TIMM23: variants seen among roughly 807,000 people sequenced by gnomAD.
The protein encoded by TIMM23 is mitochondrial import inner membrane translocase subunit Tim23.
Under a neutral mutation model 30.7 loss-of-function variants are expected in TIMM23, and 19 were observed. The ratio of observed to expected loss-of-function variants is 0.62; its 90% CI spans 0.43 to 0.91. TIMM23 has a LOEUF of 0.91. Ranked by LOEUF, TIMM23 falls within the 40% of genes least tolerant of loss-of-function variation. The pLI is 0.00. For missense variants in TIMM23, 202 were observed against 269.2 expected, an observed-to-expected ratio of 0.75 and a Z score of 1.75; for synonymous variants, 78 against 98.5, an observed-to-expected ratio of 0.79 and a Z score of 1.23.
At chr10:45,999,747 T>A (rs1268209543) in intron 6 of TIMM23, among the ~76,000 whole-genome samples, 1 of 152,100 alleles carries the variant, frequency 6.6e-6, no homozygotes, top group African/African-American at 2.4e-5. Flanking sequence ...GACCAAAATT[T>A]ATTAGGCAGG....
At chr10:45,994,924 A>G (rs1171988394) in intron 6 of TIMM23, among the ~76,000 whole-genome samples, 2 of 152,062 alleles carry the variant, frequency 1.3e-5, no homozygotes, top group African/African-American at 4.8e-5. Context: ...CCCACCACAC[A>G]AAATTTATGT....
chr10:45,989,982 T>G (rs1207755964), intron 6 of TIMM23, among the ~76,000 whole-genome samples: 2 of 152,230 alleles, frequency 1.3e-5, no homozygotes, highest in African/African-American at 4.8e-5. Context: ...TAAAAGATTT[T>G]AATGATGTTT....
At chr10:45,988,072 G>T (rs1554915063) in intron 5 of TIMM23, among the ~76,000 whole-genome samples, 1 of 152,152 alleles carries the variant, frequency 6.6e-6, no homozygotes, top group African/African-American at 2.4e-5. Flanking sequence ...TCACTTTCCT[G>T]CAAGTCCCAT....
intron 6 of TIMM23, among the ~76,000 whole-genome samples, chr10:45,990,115 A>T (rs1456963455): frequency 6.7e-4 from 92 of 138,044 alleles, no homozygotes; most frequent in African/African-American, 2.0e-3. Context: ...GGCAACTTTT[A>T]ATTTTTTTTT....
chr10:45,984,229 C>G lies in TIMM23; in HGVS notation c.345-1154C>G, dbSNP rs1369122939. Among the ~76,000 whole-genome samples the G allele has an allele frequency of 4.6e-5, 7 of 152,102 alleles. No individual in the cohort carries two copies. The South Asian group carries it at 6.2e-4, about 14-fold the overall frequency. On this transcript the variant is annotated intron_variant, in intron 4 of 6. Coordinates refer to ENST00000580018, the MANE Select transcript of TIMM23 (RefSeq NM_006327.4). ...AGCATAGTGAACACATGAACCATAA[C>G]GCATCCTCAACAACCATCAACCATG... is the stretch of plus-strand genomic sequence containing the variant.
intron 6 of TIMM23, among the ~76,000 whole-genome samples, chr10:45,996,950 G>C (rs1160078555): frequency 1.4e-5 from 2 of 142,080 alleles, no homozygotes; most frequent in Admixed American, 7.4e-5. Context: ...GGACGACAGA[G>C]TGAGACCCTG....
chr10:45,988,530 A>G (rs1165883048), intron 5 of TIMM23, among the ~76,000 whole-genome samples: 1 of 152,094 alleles, frequency 6.6e-6, no homozygotes, highest in African/African-American at 2.4e-5. Context: ...TAATACAACA[A>G]AAGACCTTCA....
chr10:45,978,274 G>C (rs1837738063), intron 2 of TIMM23, among the ~76,000 whole-genome samples: 1 of 152,116 alleles, frequency 6.6e-6, no homozygotes, highest in African/African-American at 2.4e-5. Context: ...GATCACTTGA[G>C]TCCAGCAGGT....
chr10:45,994,172 TCTA>T (rs1228185641), intron 6 of TIMM23, among the ~76,000 whole-genome samples: 8 of 151,460 alleles, frequency 5.3e-5, no homozygotes, highest in African/African-American at 1.9e-4. Context: ...AAACCCCATC[TCTA>T]CTAAAATACA....
intron 6 of TIMM23, among the ~76,000 whole-genome samples, chr10:45,993,266 A>T (rs1554916151): frequency 2.4e-5 from 1 of 41,564 alleles, no homozygotes; most frequent in Non-Finnish European, 4.6e-5. Context: ...TTTTTTGGAG[A>T]CTGAGTTTCA....
rs1837964831 is a variant in TIMM23 at position 45,985,451 on chromosome 10, G to A, written c.403+10G>A. ...ACTCTAGGTTCTCTGGGTAAGTAGA[G>A]ATCTCATTTGATAATAAATTGTTAA... On this transcript the variant is annotated intron_variant, in intron 5 of 6. Coordinates refer to ENST00000580018, the MANE Select transcript of TIMM23 (RefSeq NM_006327.4). 2.5e-6 allele frequency: 4 copies of A among 1,613,356 alleles called. No homozygotes were observed. The highest frequency in any genetic ancestry group is 1.1e-5 in the South Asian group (1 of 91,072).
In TIMM23 at chr10:46,002,584, G is replaced by T. The variant is rs897119316; in HGVS notation, c.515-619G>T. On this transcript the variant is annotated intron_variant, in intron 6 of 6. Transcript: ENST00000580018. ...CATTACAGACTTAAATCCATTGACA[G>T]TGCTAGTGGAGTTCTAAATCATATT... 4.9e-5 allele frequency: 36 copies of T among 741,848 alleles called. No homozygotes were observed. In the Admixed American group the frequency reaches 6.3e-4, roughly 13 times the overall value. The allele number at this position is 741,848 out of a possible 1,614,324, so 46.0% of individuals were successfully genotyped here. A position where few individuals can be genotyped will look rare whatever the true frequency, so the allele number is the denominator to read the frequency against.
rs1590129636 is a variant in TIMM23 at position 45,996,466 on chromosome 10, GATGATTATCAATTT to G, written c.515-6735_515-6722del. 1.0e-4 allele frequency among the ~76,000 whole-genome samples: 15 copies of G among 148,410 alleles called. No homozygotes were observed. The South Asian group carries it at 3.2e-3, about 31-fold the overall frequency. On this transcript the variant is annotated intron_variant, in intron 6 of 6. Coordinates refer to ENST00000580018, the MANE Select transcript of TIMM23 (RefSeq NM_006327.4). ...ATGCTCATCTATAAAATTGGGGTATGATGATTATCAATTTACAGGATTGTGGTGCATTTTAAATG... is the reference window on the plus strand; with the variant it reads ...ATGCTCATCTATAAAATTGGGGTATGACAGGATTGTGGTGCATTTTAAATG...
intron 1 of TIMM23, among the ~76,000 whole-genome samples, chr10:45,973,122 C>G (rs1837547572): frequency 6.6e-6 from 1 of 152,146 alleles, no homozygotes; most frequent in Admixed American, 6.5e-5. Flanking sequence ...GCGACATATT[C>G]TGAGCCTCCA....
At chr10:45,989,277 G>T (rs1388511526) in intron 6 of TIMM23, among the ~76,000 whole-genome samples, 1 of 152,076 alleles carries the variant, frequency 6.6e-6, no homozygotes, top group Non-Finnish European at 1.5e-5. Flanking sequence ...ATATCCTCAA[G>T]GTTCATCCAT....
At chr10:45,989,632 G>A (rs1330672040) in intron 6 of TIMM23, among the ~76,000 whole-genome samples, 1 of 152,004 alleles carries the variant, frequency 6.6e-6, no homozygotes, top group Non-Finnish European at 1.5e-5. Flanking sequence ...ATTCAGAATT[G>A]TTGGTTTTGT....
intron 5 of TIMM23, among the ~76,000 whole-genome samples, chr10:45,987,781 AT>A (rs1408973119): frequency 1.3e-5 from 2 of 150,774 alleles, no homozygotes; most frequent in African/African-American, 2.4e-5. Flanking sequence ...ATACCAACTA[AT>A]TTTTTTTTAA....
intron 2 of TIMM23, among the ~76,000 whole-genome samples, chr10:45,977,768 A>C (rs1455689302): frequency 6.6e-6 from 1 of 152,244 alleles, no homozygotes; most frequent in African/African-American, 2.4e-5. Context: ...GCAGTGGCTC[A>C]TACCTGTAAT....
In TIMM23 at chr10:45,982,950, C is replaced by A; in HGVS notation, c.344+20C>A. The A allele has an allele frequency of 4.3e-6, 7 of 1,613,778 alleles. No homozygotes were observed. The South Asian group carries it at 7.7e-5, about 18-fold the overall frequency. ...TGTACAGTAAGTCTCTTGTAACCAT[C>A]TGATGTAGTGATACTTGAATATTAA... On this transcript the variant is annotated intron_variant, in intron 4 of 6. Coordinates refer to ENST00000580018, the MANE Select transcript of TIMM23 (RefSeq NM_006327.4).
Sources: gnomAD v4.1 joint callset for allele counts (sites outside exome capture counted in the v4.1 genomes callset) on GRCh38, gnomAD v4.1.1 for gene constraint, MANE v1.5 for transcripts, NCBI Gene and HGNC (gene_info 2026-07-23, HGNC 2026-07-21) for gene names.